DNAH7: variants seen among roughly 807,000 people sequenced by gnomAD.
DNAH7 encodes axonemal beta dynein heavy chain 7.
DNAH7 carries 397 observed loss-of-function variants against 444.6 expected under a neutral mutation model. The ratio of observed to expected loss-of-function variants is 0.89; its 90% CI spans 0.82 to 0.97. The LOEUF is 0.97. DNAH7 is among the 50% of genes least tolerant of loss of function. The pLI is 0.00. For missense variants in DNAH7, 4,902 were observed against 4,800.8 expected (o/e 1.02, Z -0.62); for synonymous variants, 1,636 against 1,624.4 (o/e 1.01, Z -0.17).
chr2:196,051,783 T>A (rs539803061), intron 2 of DNAH7, among the ~76,000 whole-genome samples: 11 of 151,644 alleles, frequency 7.3e-5, no homozygotes, highest in Admixed American at 7.2e-4. Context: ...AAAAAATAAA[T>A]AAAAAATAAC....
rs950638777 is a variant in DNAH7, at chr2:196,006,862, T to C, written c.990-5004A>G. Among the ~76,000 whole-genome samples the C allele has an allele frequency of 2.0e-5, 3 of 152,170 alleles. No homozygotes were observed. The East Asian group carries it at 5.8e-4, about 29-fold the overall frequency. ...ATGTAAATACATTTTTGTATTTACA[T>C]TTAATACATATAAAATTACATACAT... On this transcript the variant is annotated intron_variant, in intron 10 of 64. Coordinates refer to ENST00000312428, the MANE Select transcript of DNAH7 (RefSeq NM_018897.3).
chr2:195,745,339 G>T (rs182644329), intron 63 of DNAH7, among the ~76,000 whole-genome samples: 1 of 152,328 alleles, frequency 6.6e-6, no homozygotes, highest in East Asian at 1.9e-4. Context: ...AAGCCTCCAA[G>T]AAATATGGGA....
At chr2:196,053,061 C>G (rs1284728594) in intron 2 of DNAH7, among the ~76,000 whole-genome samples, 4 of 152,004 alleles carry the variant, frequency 2.6e-5, no homozygotes, top group Admixed American at 2.6e-4. Context: ...CAGAACAGAT[C>G]TATAACATAA....
intron 51 of DNAH7, among the ~76,000 whole-genome samples, chr2:195,815,153 T>G (rs1215364232): frequency 6.6e-6 from 1 of 152,014 alleles, no homozygotes; most frequent in Non-Finnish European, 1.5e-5. Context: ...CTGGGAACTT[T>G]TCTAAGAAAG....
intron 17 of DNAH7, among the ~76,000 whole-genome samples, chr2:195,964,145 A>C (rs1442755093): frequency 6.6e-6 from 1 of 152,158 alleles, no homozygotes; most frequent in African/African-American, 2.4e-5. Context: ...GCAGGAGACA[A>C]AAAAAATTTA....
chr2:195,999,633 A>G (rs1693915438), intron 12 of DNAH7, among the ~76,000 whole-genome samples: 2 of 152,290 alleles, frequency 1.3e-5, no homozygotes, highest in South Asian at 2.1e-4. Flanking sequence ...CTGTGTAAAG[A>G]GAAGTAAAAG....
chr2:195,784,256 AT>A (rs921649606), intron 58 of DNAH7, among the ~76,000 whole-genome samples: 3 of 151,066 alleles, frequency 2.0e-5, no homozygotes, highest in East Asian at 1.9e-4. Context: ...CTACCTATTC[AT>A]TTTTTTTTCC....
intron 7 of DNAH7, among the ~76,000 whole-genome samples, chr2:196,025,642 T>C (rs191600564): frequency 1.3e-5 from 2 of 152,358 alleles, no homozygotes; most frequent in Admixed American, 1.3e-4. Flanking sequence ...AAGTTAGAGA[T>C]GACCTCTTCT....
At chr2:195,743,257 TC>T (rs1336661962) in intron 63 of DNAH7, among the ~76,000 whole-genome samples, 1 of 152,224 alleles carries the variant, frequency 6.6e-6, no homozygotes, top group African/African-American at 2.4e-5. Flanking sequence ...CTGGGACTGA[TC>T]CACTACTGGC....
Position 195,875,804 on chromosome 2 carries a change from C to T in DNAH7, c.6157G>A (p.Val2053Ile), listed in dbSNP as rs2125145173. The T allele has an allele frequency of 6.2e-7, 1 of 1,612,236 alleles. No homozygotes were observed. Among genetic ancestry groups the T allele is most frequent in the Non-Finnish European group, 8.5e-7 (1 of 1,179,480 alleles). The change falls in exon 38 of 65, where the codon GTA becomes ATA. Residue 2053 changes from valine to isoleucine, a missense_variant. By Grantham distance (29) the Val-to-Ile change is conservative. Coordinates refer to ENST00000312428, the MANE Select transcript of DNAH7 (RefSeq NM_018897.3). ...VDDVNMPARE[V>I]YGAQPPIELL... ...TCAATGGGAGGTTGAGCCCCATATA[C>T]CTCCCGAGCAGGCATATTGACATCA... is the stretch of plus-strand genomic sequence containing the variant.
rs770415888 is a variant in DNAH7 at position 195,876,673 on chromosome 2, CTTAT to C, written c.5984_5987del (p.Asn1995ArgfsTer8). ...TAATTAGCAGAGGTTTGTAGATTTC[CTTAT>C]TTAGTTGATTTAAAAGAAAATTCTA... On this transcript the variant is annotated frameshift_variant, in exon 37 of 65. Coordinates refer to ENST00000312428, the MANE Select transcript of DNAH7 (RefSeq NM_018897.3). LOFTEE classifies it high-confidence loss of function. 12 of 1,601,016 alleles carry C rather than the reference CTTAT, an allele frequency of 7.5e-6. No individual in the cohort carries two copies. The Admixed American group carries it at 8.5e-5, about 11-fold the overall frequency.
chr2:195,828,822 T>G lies in DNAH7; in HGVS notation c.9101-4377A>C, dbSNP rs1044369164. Among the ~76,000 whole-genome samples the G allele has an allele frequency of 5.3e-5, 8 of 152,106 alleles. No homozygotes were observed. In the East Asian group the frequency reaches 1.2e-3, roughly 22 times the overall value. The stretch of plus-strand genomic sequence containing the variant: ...CACTTGCTGGTGTGATGTATCATTT[T>G]TCTGTTGGTTATAAGGTTTAATTTA... On this transcript the variant is annotated intron_variant, in intron 48 of 64. Coordinates refer to ENST00000312428, the MANE Select transcript of DNAH7 (RefSeq NM_018897.3).
At chr2:195,984,818 T>A in intron 14 of DNAH7, 108 bp from the exon 15 acceptor site, 1 of 1,021,682 alleles carries the variant, frequency 9.8e-7, no homozygotes, top group South Asian at 1.5e-5. Flanking sequence ...ATAAAAACTA[T>A]AACTTAGCTA....
Position 195,858,514 on chromosome 2 carries a change from A to G in DNAH7, c.8027T>C (p.Leu2676Ser). 6.2e-7 allele frequency: 1 copy of G among 1,613,120 alleles called. No homozygotes were observed. Among genetic ancestry groups the G allele is most frequent in the Non-Finnish European group, 8.5e-7 (1 of 1,179,596 alleles). Residue 2676 changes from leucine to serine, a missense_variant, in exon 43 of 65, where the codon TTA becomes TCA. Transcript: ENST00000312428. ...ATCAAGGGCGGCCAGTGCTGACTCT[A>G]ATATTGGCAAGGCACCTGCCAGGTC... Reference protein sequence around the residue: ...DADLAGALPILESALAALDTL... With the variant: ...DADLAGALPISESALAALDTL...
At chr2:195,756,706 A>T (rs1694089465) in intron 61 of DNAH7, among the ~76,000 whole-genome samples, 1 of 152,006 alleles carries the variant, frequency 6.6e-6, no homozygotes, top group Non-Finnish European at 1.5e-5. Flanking sequence ...ATTTTTTTGT[A>T]TAGGAAGCCA....
chr2:195,897,228 T>C (rs1343934886), intron 29 of DNAH7, among the ~76,000 whole-genome samples: 1 of 152,188 alleles, frequency 6.6e-6, no homozygotes, highest in Non-Finnish European at 1.5e-5. Context: ...GTTCTTATGT[T>C]ATCATAAAAA....
chr2:195,853,228 T>C lies in DNAH7; in HGVS notation c.8781+115A>G, dbSNP rs997771416. On this transcript the variant is annotated intron_variant, in intron 46 of 64. Coordinates refer to ENST00000312428, the MANE Select transcript of DNAH7 (RefSeq NM_018897.3). ...TACACAAGCAGAAATCATGCAAAAATACCTTCCTCCTTGTACTTAACAAAA... is the reference window on the plus strand; with the variant it reads ...TACACAAGCAGAAATCATGCAAAAACACCTTCCTCCTTGTACTTAACAAAA... The C allele has an allele frequency of 4.6e-6, 4 of 873,744 alleles. No homozygotes were observed. The African/African-American group carries it at 5.2e-5, about 11-fold the overall frequency. The allele number at this position is 873,744 out of a possible 1,614,324, so 54.1% of individuals were successfully genotyped here. A position where few individuals can be genotyped will look rare whatever the true frequency, so the allele number is the denominator to read the frequency against.
chr2:196,010,129 G>A (rs1271433337), intron 10 of DNAH7, among the ~76,000 whole-genome samples: 1 of 151,044 alleles, frequency 6.6e-6, no homozygotes, highest in African/African-American at 2.4e-5. Context: ...CTCCCTCCCT[G>A]CTCTTCTTCT....
intron 51 of DNAH7, among the ~76,000 whole-genome samples, chr2:195,816,227 G>C (rs947669330): frequency 6.6e-6 from 1 of 151,956 alleles, no homozygotes; most frequent in Non-Finnish European, 1.5e-5. Context: ...TTTTACCCTA[G>C]CATTTGACAA....
Sources: gnomAD v4.1 joint callset for allele counts (sites outside exome capture counted in the v4.1 genomes callset) on GRCh38, gnomAD v4.1.1 for gene constraint, MANE v1.5 for transcripts, NCBI Gene and HGNC (gene_info 2026-07-23, HGNC 2026-07-21) for gene names.